Variants in SPECC1L observed in about 807,000 individuals in gnomAD.
SPECC1L encodes cytospin-A.
Under a neutral mutation model 116.8 loss-of-function variants are expected in SPECC1L, and 40 were observed. That is an observed-to-expected ratio of 0.34 (90% CI 0.27 to 0.45). The LOEUF is 0.45. Ranked by LOEUF, SPECC1L falls within the 20% of genes least tolerant of loss-of-function variation. SPECC1L has a pLI of 1.00. For missense variants in SPECC1L, 1,110 were observed against 1,373.6 expected (o/e 0.81, Z 3.03); for synonymous variants, 504 against 500.6 (o/e 1.01, Z -0.09).
chr22:24,331,934 G>C (rs897632163), intron 8 of SPECC1L, among the ~76,000 whole-genome samples: 3 of 152,042 alleles, frequency 2.0e-5, no homozygotes, highest in African/African-American at 4.8e-5. Flanking sequence ...CATTTTGTGT[G>C]ACAAAATGGG....
intron 2 of SPECC1L, among the ~76,000 whole-genome samples, chr22:24,292,651 A>G (rs1436756731): frequency 6.6e-6 from 1 of 152,008 alleles, no homozygotes. Flanking sequence ...ACCCGGAAGG[A>G]GATTCTTTTG....
chr22:24,335,188 G>A (rs967820198), intron 9 of SPECC1L, among the ~76,000 whole-genome samples: 2 of 152,062 alleles, frequency 1.3e-5, no homozygotes, highest in African/African-American at 2.4e-5. Context: ...CATCTCTAGC[G>A]GCACAAGCTT....
intron 14 of SPECC1L, among the ~76,000 whole-genome samples, chr22:24,381,267 T>C (rs967932746): frequency 2.0e-5 from 3 of 152,196 alleles, no homozygotes; most frequent in African/African-American, 4.8e-5. Flanking sequence ...AAAATCTCAA[T>C]GTTTTCTGAT....
intron 14 of SPECC1L, among the ~76,000 whole-genome samples, chr22:24,386,820 G>C (rs1314125541): frequency 1.3e-5 from 2 of 152,010 alleles, no homozygotes; most frequent in Admixed American, 1.3e-4. Flanking sequence ...TAGCCAGGAT[G>C]GTCTTAATCT....
At chr22:24,355,277 A>G (rs984735096) in intron 11 of SPECC1L, among the ~76,000 whole-genome samples, 4 of 117,856 alleles carry the variant, frequency 3.4e-5, no homozygotes, top group Admixed American at 3.0e-4. Context: ...GTGAGACTCC[A>G]TCTCAAAAAA....
chr22:24,347,110 T>C lies in SPECC1L; in HGVS notation c.2677T>C (p.Ser893Pro), dbSNP rs755796339. ...MQRHSISGPI[S>P]TSKPLTALSD... ...GAGACATTCCATAAGTGGACCAATC[T>C]CAACATCCAAACCCCTGACAGCCCT... The change falls in exon 11 of 17, where the codon TCA becomes CCA. Residue 893 changes from serine (S) to proline (P), a missense_variant. Physicochemically the swap from Ser to Pro is moderately conservative, Grantham distance 74. Coordinates refer to ENST00000314328, the MANE Select transcript of SPECC1L (RefSeq NM_015330.6). 6.2e-7 allele frequency: 1 copy of C among 1,614,032 alleles called. No homozygotes were observed. Among genetic ancestry groups the C allele is most frequent in the Admixed American group, 1.7e-5 (1 of 60,024 alleles).
intron 14 of SPECC1L, among the ~76,000 whole-genome samples, chr22:24,372,302 T>G (rs941672303): frequency 1.3e-5 from 2 of 152,158 alleles, no homozygotes; most frequent in Non-Finnish European, 2.9e-5. Flanking sequence ...ATCATCCTGA[T>G]ACCAAAGCCT....
rs62233972 is a variant in SPECC1L at position 24,373,703 on chromosome 22, A to T, written c.3087+4383A>T. ...GAAAACCTAGGCAATACCATTCAGG[A>T]CATAGGCATGGGCAAGGACTTCATG... is the stretch of plus-strand genomic sequence containing the variant. On this transcript the variant is annotated intron_variant, in intron 14 of 16. Transcript: ENST00000314328. 7.8e-3 allele frequency among the ~76,000 whole-genome samples: 1,182 copies of T among 152,328 alleles called. 9 individuals carry two copies. Among genetic ancestry groups the T allele is most frequent in the South Asian group, 0.024 (117 of 4,830 alleles).
Position 24,411,596 on chromosome 22 carries a change from C to T in SPECC1L, c.3096C>T (p.Asp1032=), listed in dbSNP as rs1295931528. The T allele has an allele frequency of 6.2e-7, 1 of 1,613,940 alleles. No individual in the cohort carries two copies. The highest frequency in any genetic ancestry group is 1.7e-5 in the Admixed American group (1 of 60,026). ...QKKTEGYQNI[D]ITNFSSSWND... is the part of the protein sequence containing the mutation. Reference sequence around the variant, plus strand: ...TTCTTCCTTTCCTTCAGAATATTGACATTACAAACTTCAGCAGCAGCTGGA... The same window carrying T: ...TTCTTCCTTTCCTTCAGAATATTGATATTACAAACTTCAGCAGCAGCTGGA... Residue 1032 remains aspartate, a synonymous_variant, in exon 15 of 17, where the codon GAC becomes GAT. Coordinates refer to ENST00000314328, the MANE Select transcript of SPECC1L (RefSeq NM_015330.6).
chr22:24,290,007 A>G (rs1247976196), intron 2 of SPECC1L, among the ~76,000 whole-genome samples: 1 of 151,300 alleles, frequency 6.6e-6, no homozygotes, highest in Non-Finnish European at 1.5e-5. Context: ...TTTCTTTCCT[A>G]CTCAGCTTTT....
At chr22:24,275,860 C>G (rs528510326) in intron 1 of SPECC1L, among the ~76,000 whole-genome samples, 3 of 152,100 alleles carry the variant, frequency 2.0e-5, no homozygotes, top group Admixed American at 2.0e-4. Flanking sequence ...AGGCCCGCAC[C>G]AGCACACCTG....
intron 2 of SPECC1L, among the ~76,000 whole-genome samples, chr22:24,287,725 C>T (rs2049069012): frequency 6.6e-6 from 1 of 152,174 alleles, no homozygotes; most frequent in Non-Finnish European, 1.5e-5. Flanking sequence ...TCACCTTTTA[C>T]AGTGGATCTG....
At chr22:24,315,895 G>A (rs1353236813) in intron 4 of SPECC1L, among the ~76,000 whole-genome samples, 2 of 152,184 alleles carry the variant, frequency 1.3e-5, no homozygotes, top group African/African-American at 4.8e-5. Flanking sequence ...TTCCCTCTGT[G>A]TGTGTGTCCT....
chr22:24,307,371 G>T (rs187324546), intron 3 of SPECC1L, among the ~76,000 whole-genome samples: 1 of 152,082 alleles, frequency 6.6e-6, no homozygotes, highest in Non-Finnish European at 1.5e-5. Flanking sequence ...TTTTTGCACT[G>T]ATTTGTGGTT....
chr22:24,377,030 G>A (rs1212454628), intron 14 of SPECC1L, among the ~76,000 whole-genome samples: 1 of 151,786 alleles, frequency 6.6e-6, no homozygotes, highest in Non-Finnish European at 1.5e-5. Flanking sequence ...TTTACTATAG[G>A]CAACCACTAA....
intron 14 of SPECC1L, among the ~76,000 whole-genome samples, chr22:24,409,597 G>A (rs1416283764): frequency 6.6e-6 from 1 of 152,162 alleles, no homozygotes; most frequent in Non-Finnish European, 1.5e-5. Context: ...AGGCTGCAGT[G>A]AGCTATGATT....
At chr22:24,283,081 A>T (rs1456775226) in intron 2 of SPECC1L, among the ~76,000 whole-genome samples, 1 of 133,652 alleles carries the variant, frequency 7.5e-6, no homozygotes, top group Non-Finnish European at 1.6e-5. Flanking sequence ...CCTGGCCGAT[A>T]ACTTTGTTTT....
At chr22:24,389,522 T>G (rs1601331425) in intron 14 of SPECC1L, among the ~76,000 whole-genome samples, 1 of 151,794 alleles carries the variant, frequency 6.6e-6, no homozygotes, top group African/African-American at 2.4e-5. Context: ...TTTCGGGTTT[T>G]TTTTTTTTTT....
Position 24,321,534 on chromosome 22 carries a change from T to A in SPECC1L, c.554T>A (p.Val185Glu). ...GACAGAGCTGCTTTGGAGGCCAAAG[T>A]GAAGGATCTTCTCACGCTGGCAAAA... ...ISDRAALEAK[V>E]KDLLTLAKTK... Residue 185 changes from valine to glutamate, a missense_variant, in exon 5 of 17, where the codon GTG becomes GAG. Transcript: ENST00000314328. 1.9e-6 allele frequency: 3 copies of A among 1,614,186 alleles called. No homozygotes were observed. The highest frequency in any genetic ancestry group is 2.5e-6 in the Non-Finnish European group (3 of 1,180,034).
Sources: gnomAD v4.1 joint callset for allele counts (sites outside exome capture counted in the v4.1 genomes callset) on GRCh38, gnomAD v4.1.1 for gene constraint, MANE v1.5 for transcripts, NCBI Gene and HGNC (gene_info 2026-07-23, HGNC 2026-07-21) for gene names.